Variants in METTL15 observed in about 807,000 individuals in gnomAD.
METTL15 encodes methyltransferase 15, mitochondrial 12S rRNA N4-cytidine, also known as 12S rRNA N(4)-cytidine methyltransferase METTL15.
METTL15 carries 34 observed loss-of-function variants against 38.3 expected under a neutral mutation model. The observed-to-expected ratio is 0.89, with a 90% confidence interval of 0.68 to 1.18. The LOEUF (loss-of-function observed/expected upper bound fraction) is 1.18. Ranked by LOEUF, METTL15 falls within the 50% of genes most tolerant of loss-of-function variation. METTL15 has a pLI of 0.00. For missense variants in METTL15, 438 were observed against 498.4 expected, an observed-to-expected ratio of 0.88 and a Z score of 1.15; for synonymous variants, 162 against 170.9, an observed-to-expected ratio of 0.95 and a Z score of 0.41.
At chr11:28,124,966 C>G (rs1252896587) in intron 3 of METTL15, among the ~76,000 whole-genome samples, 1 of 151,906 alleles carries the variant, frequency 6.6e-6, no homozygotes, top group African/African-American at 2.4e-5. Context: ...GATTTTTCTC[C>G]AATTTAAAAT....
At chr11:28,177,625 A>T (rs953147184) in intron 3 of METTL15, among the ~76,000 whole-genome samples, 1 of 152,010 alleles carries the variant, frequency 6.6e-6, no homozygotes, top group African/African-American at 2.4e-5. Context: ...TATATTACTT[A>T]CATGATGAAA....
intron 5 of METTL15, among the ~76,000 whole-genome samples, chr11:28,375,019 C>G (rs958276119): frequency 2.0e-5 from 3 of 149,512 alleles, no homozygotes; most frequent in African/African-American, 7.4e-5. Flanking sequence ...ATGAAGCCCA[C>G]TTGATCATGG....
At chr11:28,178,538 G>A (rs1353640282) in intron 3 of METTL15, among the ~76,000 whole-genome samples, 2 of 150,042 alleles carry the variant, frequency 1.3e-5, no homozygotes, top group African/African-American at 2.4e-5. Context: ...CATTCTATTA[G>A]CAGTATTATC....
At chr11:28,498,051 C>CA (rs61242332) in intron 6 of METTL15, among the ~76,000 whole-genome samples, 210 of 139,906 alleles carry the variant, frequency 1.5e-3, no homozygotes, top group African/African-American at 5.3e-3. Flanking sequence ...GAGACTGTTT[C>CA]AAAAAAAAAA....
chr11:28,436,176 T>C (rs1222561701), intron 6 of METTL15, among the ~76,000 whole-genome samples: 1 of 152,206 alleles, frequency 6.6e-6, no homozygotes, highest in East Asian at 1.9e-4. Flanking sequence ...GTTTCACCGT[T>C]ATATGAAATG....
At chr11:28,353,102 C>T (rs994439055) in intron 4 of METTL15, among the ~76,000 whole-genome samples, 3 of 152,006 alleles carry the variant, frequency 2.0e-5, no homozygotes, top group African/African-American at 7.2e-5. Flanking sequence ...AAAGAAAAGC[C>T]CATATTCTGG....
At chr11:28,175,202 G>C (rs542110037) in intron 3 of METTL15, among the ~76,000 whole-genome samples, 68 of 152,012 alleles carry the variant, frequency 4.5e-4, no homozygotes, top group Admixed American at 3.9e-3. Flanking sequence ...GCGGTGTTTG[G>C]TTTTTTGTCC....
chr11:28,483,999 A>G (rs1200993210), intron 6 of METTL15, among the ~76,000 whole-genome samples: 1 of 152,130 alleles, frequency 6.6e-6, no homozygotes, highest in African/African-American at 2.4e-5. Context: ...ACTTGAGTAA[A>G]AACAAGATTC....
intron 4 of METTL15, among the ~76,000 whole-genome samples, chr11:28,276,345 A>G (rs1343101700): frequency 6.6e-6 from 1 of 152,104 alleles, no homozygotes; most frequent in Non-Finnish European, 1.5e-5. Flanking sequence ...TCCACTTACA[A>G]TAGCTATAAA....
intron 6 of METTL15, among the ~76,000 whole-genome samples, chr11:28,506,326 G>C (rs1291293194): frequency 6.6e-6 from 1 of 152,122 alleles, no homozygotes; most frequent in African/African-American, 2.4e-5. Flanking sequence ...TTTGAAATTA[G>C]ACAAACCTGA....
intron 3 of METTL15, chr11:28,163,545 C>G (rs1430418207): frequency 2.5e-6 from 1 of 397,274 alleles, no homozygotes; most frequent in Non-Finnish European, 4.4e-6. Context: ...CTCTCTCTCT[C>G]TCTCTCTGTG....
intron 3 of METTL15, among the ~76,000 whole-genome samples, chr11:28,151,840 T>G (rs1314867637): frequency 6.6e-6 from 1 of 152,090 alleles, no homozygotes; most frequent in Non-Finnish European, 1.5e-5. Context: ...TTTAGAATCT[T>G]AAGTAGGCTT....
intron 5 of METTL15, among the ~76,000 whole-genome samples, chr11:28,392,653 A>G (rs1850523529): frequency 6.6e-6 from 1 of 152,198 alleles, no homozygotes; most frequent in South Asian, 2.1e-4. Context: ...AAAGCAGACA[A>G]ATGGTACTAT....
chr11:28,444,242 C>T (rs2133442834), intron 6 of METTL15, among the ~76,000 whole-genome samples: 1 of 152,236 alleles, frequency 6.6e-6, no homozygotes. Context: ...AGGGTATAGA[C>T]ATTTGGAGGC....
At chr11:28,168,673 T>TA (rs1433667037) in intron 3 of METTL15, among the ~76,000 whole-genome samples, 4 of 144,320 alleles carry the variant, frequency 2.8e-5, no homozygotes, top group African/African-American at 8.0e-5. Flanking sequence ...AATTTTAAAA[T>TA]ACAGAAAAAC....
At chr11:28,175,715 A>G (rs1348642528) in intron 3 of METTL15, among the ~76,000 whole-genome samples, 2 of 152,108 alleles carry the variant, frequency 1.3e-5, no homozygotes, top group Non-Finnish European at 2.9e-5. Flanking sequence ...CTATTAAATC[A>G]CCAATCCCTG....
intron 5 of METTL15, among the ~76,000 whole-genome samples, chr11:28,392,251 C>T (rs539915176): frequency 2.6e-5 from 4 of 152,000 alleles, no homozygotes; most frequent in South Asian, 4.1e-4. Flanking sequence ...TTATAAAATT[C>T]ATATGGAATC....
chr11:28,251,633 C>G (rs928787089), intron 4 of METTL15, among the ~76,000 whole-genome samples: 2 of 152,018 alleles, frequency 1.3e-5, no homozygotes, highest in African/African-American at 4.8e-5. Context: ...GCTAGCCAAT[C>G]TATTCAACAC....
At chr11:28,322,452 A>G (rs1849503106) in intron 6 of METTL15, among the ~76,000 whole-genome samples, 1 of 152,142 alleles carries the variant, frequency 6.6e-6, no homozygotes, top group Non-Finnish European at 1.5e-5. Context: ...GAAAATTAAA[A>G]CAGCGGTAAG....
Sources: gnomAD v4.1 joint callset for allele counts (sites outside exome capture counted in the v4.1 genomes callset) on GRCh38, gnomAD v4.1.1 for gene constraint, MANE v1.5 for transcripts, NCBI Gene and HGNC (gene_info 2026-07-23, HGNC 2026-07-21) for gene names.